TRPM1: variants seen among roughly 807,000 people sequenced by gnomAD.
The protein encoded by TRPM1 is transient receptor potential cation channel subfamily M member 1.
Under a neutral mutation model 149.4 loss-of-function variants are expected in TRPM1, and 113 were observed. The observed-to-expected ratio is 0.76, with a 90% CI of 0.65 to 0.88. The LOEUF (loss-of-function observed/expected upper bound fraction) is 0.88, where lower values mean the gene tolerates loss of function less well. Among genes scored for constraint, TRPM1 ranks in the 40% least tolerant of loss-of-function variants. The probability of loss-of-function intolerance (pLI) is 0.00; values close to 1 mark genes in which losing one functional copy is unlikely to be tolerated. For synonymous variants in TRPM1, 741 were observed against 759.5 expected, an observed-to-expected ratio of 0.98 and a Z score of 0.40; for missense variants, 1,976 against 2,038.7, an observed-to-expected ratio of 0.97 and a Z score of 0.59.
chr15:31,067,803 T>C (rs1283400482), intron 5 of TRPM1, 76 bp downstream of exon 5: 2 of 1,419,860 alleles, frequency 1.4e-6, no homozygotes, highest in African/African-American at 1.4e-5. Context: ...TCCTTAGTTA[T>C]TAGGAAGCTC....
chr15:31,116,919 A>G (rs1380660086), intron 1 of TRPM1, among the ~76,000 whole-genome samples: 1 of 152,248 alleles, frequency 6.6e-6, no homozygotes, highest in African/African-American at 2.4e-5. Context: ...CTGGCTTTCA[A>G]TAAAATAATT....
chr15:31,096,597 T>G (rs1446013776), intron 1 of TRPM1, among the ~76,000 whole-genome samples: 1 of 152,180 alleles, frequency 6.6e-6, no homozygotes, highest in East Asian at 1.9e-4. Context: ...CTCCCCTCAT[T>G]GCCTGAGTGC....
At chr15:31,124,847 T>C (rs887284123) in intron 1 of TRPM1, among the ~76,000 whole-genome samples, 1 of 152,054 alleles carries the variant, frequency 6.6e-6, no homozygotes, top group African/African-American at 2.4e-5. Flanking sequence ...GATATGGTAA[T>C]GGTGGGTGGA....
intron 27 of TRPM1, among the ~76,000 whole-genome samples, chr15:31,007,111 T>C (rs1192397501): frequency 6.6e-6 from 1 of 152,232 alleles, no homozygotes; most frequent in Non-Finnish European, 1.5e-5. Context: ...TTTTCTCTTA[T>C]GTTTTCTTCC....
chr15:31,134,094 G>C (rs2036056697), intron 1 of TRPM1, among the ~76,000 whole-genome samples: 1 of 152,192 alleles, frequency 6.6e-6, no homozygotes, highest in Non-Finnish European at 1.5e-5. Flanking sequence ...AGGCCCGTGT[G>C]GCTGGAGTGT....
chr15:31,109,717 CA>C (rs2035659420), intron 1 of TRPM1, among the ~76,000 whole-genome samples: 1 of 149,818 alleles, frequency 6.7e-6, no homozygotes, highest in African/African-American at 2.5e-5. Context: ...AAAAAAAAAC[CA>C]GGAGTAATGG....
At chr15:31,018,878 A>C (rs1016517728) in intron 27 of TRPM1, among the ~76,000 whole-genome samples, 2 of 151,900 alleles carry the variant, frequency 1.3e-5, no homozygotes, top group Non-Finnish European at 2.9e-5. Context: ...CTGATCTCGA[A>C]CTCCTGGCCC....
chr15:31,066,314 G>A, intron 6 of TRPM1, 67 bp from the exon 7 acceptor site: 1 of 1,554,294 alleles, frequency 6.4e-7, no homozygotes. Flanking sequence ...AGGGAAGCAA[G>A]CACAATACAT....
intron 16 of TRPM1, among the ~76,000 whole-genome samples, chr15:31,044,780 C>CAAAAAAA (rs58619377): frequency 2.9e-5 from 2 of 69,532 alleles, no homozygotes; most frequent in East Asian, 6.6e-4. Flanking sequence ...GACTCCTACT[C>CAAAAAAA]AAAAAAAAAA....
At chr15:31,003,102 C>T in intron 27 of TRPM1, 32 bp from the exon 28 acceptor site, 1 of 1,569,098 alleles carries the variant, frequency 6.4e-7, no homozygotes, top group Non-Finnish European at 8.7e-7. Flanking sequence ...ATTTATTAAA[C>T]TGAGATTAAG....
intron 1 of TRPM1, among the ~76,000 whole-genome samples, chr15:31,111,015 G>A (rs1300071180): frequency 6.7e-6 from 1 of 149,990 alleles, no homozygotes; most frequent in Non-Finnish European, 1.5e-5. Flanking sequence ...AACCTGCCAA[G>A]CATTTAATGG....
intron 1 of TRPM1, among the ~76,000 whole-genome samples, chr15:31,086,233 A>G (rs1223295791): frequency 2.0e-5 from 3 of 152,168 alleles, no homozygotes; most frequent in African/African-American, 7.2e-5. Flanking sequence ...GCTGGGAGGA[A>G]GGGACGGGAG....
intron 11 of TRPM1, among the ~76,000 whole-genome samples, chr15:31,053,765 CA>C (rs1409754565): frequency 1.3e-5 from 2 of 152,142 alleles, no homozygotes; most frequent in Non-Finnish European, 2.9e-5. Context: ...GAACTGAAAG[CA>C]AGTCTCAAAG....
intron 2 of TRPM1, among the ~76,000 whole-genome samples, chr15:31,078,595 A>C (rs551180318): frequency 6.6e-6 from 1 of 152,338 alleles, no homozygotes; most frequent in African/African-American, 2.4e-5. Flanking sequence ...GTGCTAATGC[A>C]AGGGAGGCAG....
intron 1 of TRPM1, among the ~76,000 whole-genome samples, chr15:31,131,656 G>C (rs2141043546): frequency 6.6e-6 from 1 of 152,290 alleles, no homozygotes; most frequent in Non-Finnish European, 1.5e-5. Context: ...TGTAGTGGCA[G>C]AAACATTCTC....
At chr15:31,151,035 T>G (rs2036296391) in intron 1 of TRPM1, among the ~76,000 whole-genome samples, 1 of 152,096 alleles carries the variant, frequency 6.6e-6, no homozygotes. Context: ...TGTAAAAGCG[T>G]TTGCATTCAA....
At chr15:31,120,689 C>T (rs1460374570) in intron 1 of TRPM1, among the ~76,000 whole-genome samples, 2 of 149,632 alleles carry the variant, frequency 1.3e-5, no homozygotes, top group African/African-American at 2.5e-5. Context: ...ATAAAAATCA[C>T]GTGAAGTATG....
intron 1 of TRPM1, among the ~76,000 whole-genome samples, chr15:31,133,513 T>C (rs1212121738): frequency 6.6e-6 from 1 of 152,066 alleles, no homozygotes; most frequent in Non-Finnish European, 1.5e-5. Flanking sequence ...TTGGCCAACA[T>C]GGTGAAACCC....
intron 27 of TRPM1, among the ~76,000 whole-genome samples, chr15:31,012,542 T>G (rs1270195506): frequency 6.6e-6 from 1 of 152,232 alleles, no homozygotes; most frequent in Non-Finnish European, 1.5e-5. Context: ...GCTTTCAAGA[T>G]TCTTTTCCTT....
Sources: allele counts gnomAD v4.1 joint callset (sites outside exome capture counted in the v4.1 genomes callset), GRCh38; gene constraint gnomAD v4.1.1; transcripts MANE v1.5; gene names NCBI Gene and HGNC (gene_info 2026-07-23, HGNC 2026-07-21).